HERC1: variants seen among roughly 807,000 people sequenced by gnomAD.
HERC1 encodes HECT and RLD domain containing E3 ubiquitin protein ligase family member 1.
Under a neutral mutation model 554.3 loss-of-function variants are expected in HERC1, and 160 were observed. The observed-to-expected ratio is 0.29, with a 90% CI of 0.25 to 0.33. The LOEUF is 0.33. Ranked by LOEUF, HERC1 falls within the 10% of genes least tolerant of loss-of-function variation. HERC1 has a pLI of 1.00. For synonymous variants in HERC1, 2,175 were observed against 2,131.7 expected, an observed-to-expected ratio of 1.02 and a Z score of -0.56; for missense variants, 4,919 against 5,918.5, an observed-to-expected ratio of 0.83 and a Z score of 5.54.
In HERC1 at chr15:63,651,579, G is replaced by A. The variant is rs1008201153; in HGVS notation, c.10419-199C>T. Among the ~76,000 whole-genome samples the A allele has an allele frequency of 5.3e-5, 8 of 152,196 alleles. No individual in the cohort carries two copies. The East Asian group carries it at 1.5e-3, about 29-fold the overall frequency. On this transcript the variant is annotated intron_variant, in intron 52 of 77. Coordinates refer to ENST00000443617, the MANE Select transcript of HERC1 (RefSeq NM_003922.4). ...TGTGAAAAATGAATTATAAAAGAGTGATATTAGACTTTTCCTCATTTAATG... is the reference window on the plus strand; with the variant it reads ...TGTGAAAAATGAATTATAAAAGAGTAATATTAGACTTTTCCTCATTTAATG...
In HERC1 at chr15:63,680,521, G is replaced by A; in HGVS notation, c.6465+16C>T. 4.3e-6 allele frequency: 7 copies of A among 1,611,798 alleles called. No homozygotes were observed. The highest frequency in any genetic ancestry group is 1.7e-6 in the Non-Finnish European group (2 of 1,178,852). ...GAAACAAGAAAAATGTAATGCTTGT[G>A]AATGGGTGTCGGTACCTCTCCATTT... is the stretch of plus-strand genomic sequence containing the variant. On this transcript the variant is annotated intron_variant, in intron 35 of 77. Transcript: ENST00000443617. The surrounding 1 kb of genome is among the most constrained non-coding windows in gnomAD (Gnocchi z 5.8).
chr15:63,721,989 T>C (rs376809614), intron 19 of HERC1, among the ~76,000 whole-genome samples: 3 of 152,162 alleles, frequency 2.0e-5, no homozygotes, highest in African/African-American at 7.2e-5. Flanking sequence ...GCCTCCCGAG[T>C]AGCTGGGATT....
At chr15:63,613,222 T>A (rs2067677597) in intron 76 of HERC1, among the ~76,000 whole-genome samples, 1 of 152,252 alleles carries the variant, frequency 6.6e-6, no homozygotes, top group South Asian at 2.1e-4. Context: ...TGCTCTCATG[T>A]GGCTCTGATG....
In HERC1 at chr15:63,674,405, T is replaced by C; in HGVS notation, c.7783A>G (p.Met2595Val). 2 of 1,613,848 alleles carry C rather than the reference T, an allele frequency of 1.2e-6. No homozygotes were observed. Among genetic ancestry groups the C allele is most frequent in the South Asian group, 1.1e-5 (1 of 91,080 alleles). Residue 2595 changes from methionine to valine, a missense_variant, in exon 38 of 78, where the codon ATG becomes GTG. Coordinates refer to ENST00000443617, the MANE Select transcript of HERC1 (RefSeq NM_003922.4). ...GLADLERAQA[M>V]IYKLVVHGLL... ...CCATGAACCACTAATTTATAGATCA[T>C]GGCTTGCGCTCGTTCCAGATCAGCT...
chr15:63,747,962 A>C, intron 10 of HERC1, 104 bp from the exon 11 acceptor site: 46 of 1,128,362 alleles, frequency 4.1e-5, no homozygotes, highest in Non-Finnish European at 5.2e-5. Flanking sequence ...ACGGTGGCTC[A>C]TGCCTGTAAT....
intron 7 of HERC1, 112 bp from the exon 8 acceptor site, chr15:63,753,197 T>C (rs2075308807): frequency 4.6e-6 from 3 of 658,278 alleles, no homozygotes; most frequent in African/African-American, 3.7e-5. Flanking sequence ...ACCTGGCAGA[T>C]ATGAAAAGCT....
intron 41 of HERC1, 74 bp downstream of exon 41, chr15:63,666,282 T>A: frequency 7.1e-7 from 1 of 1,399,266 alleles, no homozygotes; most frequent in Non-Finnish European, 1.0e-6. Context: ...CATAGCCTCT[T>A]AAAAGTTATG....
chr15:63,654,788 C>T (rs779642100), intron 50 of HERC1, among the ~76,000 whole-genome samples: 5 of 150,080 alleles, frequency 3.3e-5, no homozygotes, highest in African/African-American at 4.9e-5. Context: ...AGAATTGCTT[C>T]AAGCTGGGAG....
chr15:63,633,317 G>A (rs757624670), intron 67 of HERC1, among the ~76,000 whole-genome samples: 1 of 152,166 alleles, frequency 6.6e-6, no homozygotes, highest in Non-Finnish European at 1.5e-5. Flanking sequence ...TGTGAAATAC[G>A]TCAGGAAAAC....
intron 57 of HERC1, among the ~76,000 whole-genome samples, chr15:63,644,030 C>A (rs2069200211): frequency 2.0e-5 from 3 of 152,172 alleles, no homozygotes; most frequent in Admixed American, 2.0e-4. Flanking sequence ...TAGGTAAGGC[C>A]TGTCTATAGG....
chr15:63,746,165 G>C (rs2075047613), intron 12 of HERC1, among the ~76,000 whole-genome samples: 1 of 151,714 alleles, frequency 6.6e-6, no homozygotes, highest in South Asian at 2.1e-4. Context: ...ATGTTTATAA[G>C]CTATAAATTT....
At chr15:63,622,571 G>A (rs2068128224) in intron 74 of HERC1, among the ~76,000 whole-genome samples, 1 of 152,076 alleles carries the variant, frequency 6.6e-6, no homozygotes, top group African/African-American at 2.4e-5. Context: ...GATATCAGGT[G>A]ATCCACCCGC....
chr15:63,728,886 G>A (rs1248454116), intron 16 of HERC1, among the ~76,000 whole-genome samples: 1 of 148,132 alleles, frequency 6.8e-6, no homozygotes, highest in African/African-American at 2.5e-5. Flanking sequence ...TTTCAAGAAG[G>A]AAAGTGAAAA....
intron 12 of HERC1, among the ~76,000 whole-genome samples, chr15:63,737,632 G>A (rs1374723516): frequency 2.1e-5 from 3 of 146,112 alleles, no homozygotes; most frequent in African/African-American, 5.0e-5. Context: ...CGCCCGCCTC[G>A]GCCTCCAAAA....
At chr15:63,654,548 A>T (rs1449526214) in intron 50 of HERC1, among the ~76,000 whole-genome samples, 1 of 152,164 alleles carries the variant, frequency 6.6e-6, no homozygotes, top group Non-Finnish European at 1.5e-5. Context: ...AAGAAATCTG[A>T]TTCATTAAAA....
chr15:63,642,999 C>G lies in HERC1; in HGVS notation c.11391G>C (p.Trp3797Cys). The G allele has an allele frequency of 6.2e-7, 1 of 1,612,932 alleles. No homozygotes were observed. Among genetic ancestry groups the G allele is most frequent in the Non-Finnish European group, 8.5e-7 (1 of 1,179,140 alleles). ...IGSGAIQTTV[W>C]IPEVGVAACS... ...AAGCAGCTACTCCAACTTCTGGAAT[C>G]CATACTGTGGTCTGAATAGCTCCAG... Residue 3797 changes from tryptophan to cysteine, a missense_variant, in exon 59 of 78, where the codon TGG (tryptophan) becomes TGC (cysteine). By Grantham distance (215) the Trp-to-Cys change is radical. Coordinates refer to ENST00000443617, the MANE Select transcript of HERC1 (RefSeq NM_003922.4).
At position 63,718,664 on chromosome 15, in the gene HERC1, C is replaced by T. The variant is rs775344157; in HGVS notation, c.3888G>A (p.Val1296=). 1.1e-5 allele frequency: 17 copies of T among 1,602,220 alleles called. No homozygotes were observed. In the South Asian group the frequency reaches 1.7e-4, roughly 16 times the overall value. Residue 1296 remains valine (V), a synonymous_variant, in exon 21 of 78, where the codon GTG becomes GTA. Transcript: ENST00000443617. This position sits in a 1 kb window ranked among gnomAD's most constrained non-coding sequence, Gnocchi z 4.2. ...RYQPGKHLSE[V]YRCVYKVRSR... ...TTCGAACTTTGTATACACAACGGTA[C>T]ACTTCTGATAAGTGTTTACCAGGTT... is the stretch of plus-strand genomic sequence containing the variant.
At chr15:63,616,294 G>T in intron 75 of HERC1, 136 bp downstream of exon 75, 1 of 896,708 alleles carries the variant, frequency 1.1e-6, no homozygotes, top group Non-Finnish European at 1.7e-6. Context: ...GCTGCTAAGG[G>T]CAGCAATGGC....
At chr15:63,706,050 A>AAAG (rs1223373065) in intron 25 of HERC1, among the ~76,000 whole-genome samples, 3 of 151,236 alleles carry the variant, frequency 2.0e-5, no homozygotes, top group African/African-American at 7.3e-5. Context: ...AAAAAAAAAA[A>AAAG]AAGCAGCAGT....
Sources: allele counts gnomAD v4.1 joint callset (sites outside exome capture counted in the v4.1 genomes callset), GRCh38; gene constraint gnomAD v4.1.1; non-coding constraint Gnocchi (gnomAD v3.1); transcripts MANE v1.5; gene names NCBI Gene and HGNC (gene_info 2026-07-23, HGNC 2026-07-21).